Variants in CLINT1 observed in about 807,000 individuals in gnomAD.
CLINT1 encodes clathrin interactor 1, also known as clathrin interacting protein localized in the trans-Golgi region.
Under a neutral mutation model 70.4 loss-of-function variants are expected in CLINT1, and 15 were observed. That is an observed-to-expected ratio of 0.21 (90% confidence interval 0.14 to 0.33). CLINT1 has a LOEUF of 0.33. Ranked by LOEUF, CLINT1 falls within the 10% of genes least tolerant of loss-of-function variation. The pLI is 1.00. For missense variants in CLINT1, 615 were observed against 778.1 expected (o/e 0.79, Z 2.49); for synonymous variants, 227 against 254.7 (o/e 0.89, Z 1.04).
chr5:157,836,138 C>A (rs547946371), intron 1 of CLINT1, among the ~76,000 whole-genome samples: 4 of 152,322 alleles, frequency 2.6e-5, no homozygotes, highest in Admixed American at 1.3e-4. Flanking sequence ...TCATACTTCA[C>A]ACTCTCTTCC....
chr5:157,843,710 T>A (rs1337182400), intron 1 of CLINT1, among the ~76,000 whole-genome samples: 1 of 152,208 alleles, frequency 6.6e-6, no homozygotes, highest in African/African-American at 2.4e-5. Context: ...ATTAAGGCAA[T>A]TTTATGAAAT....
chr5:157,789,808 T>A (rs1477505669), intron 10 of CLINT1: 6 of 487,546 alleles, frequency 1.2e-5, no homozygotes, highest in Non-Finnish European at 2.2e-5. Context: ...TCACTCAAAG[T>A]CTAGAAGCCA....
intron 1 of CLINT1, among the ~76,000 whole-genome samples, chr5:157,844,529 C>G (rs1356486481): frequency 1.3e-5 from 2 of 152,062 alleles, no homozygotes; most frequent in Non-Finnish European, 2.9e-5. Context: ...ACAAGGTCAG[C>G]CAAGATTAGT....
At chr5:157,850,502 T>C (rs995161181) in intron 1 of CLINT1, among the ~76,000 whole-genome samples, 2 of 150,544 alleles carry the variant, frequency 1.3e-5, no homozygotes, top group African/African-American at 4.9e-5. Context: ...TCCCTCTTAC[T>C]TGGGGGACTA....
At chr5:157,800,948 A>G (rs1313705267) in intron 8 of CLINT1, among the ~76,000 whole-genome samples, 2 of 152,230 alleles carry the variant, frequency 1.3e-5, no homozygotes, top group Non-Finnish European at 2.9e-5. Flanking sequence ...CAGATGCATG[A>G]AAGGGGCCCT....
At chr5:157,838,896 C>G (rs1332363255) in intron 1 of CLINT1, among the ~76,000 whole-genome samples, 1 of 152,130 alleles carries the variant, frequency 6.6e-6, no homozygotes, top group Non-Finnish European at 1.5e-5. Context: ...GAAAATAGAA[C>G]AGAAATATAG....
At chr5:157,790,612 T>G (rs771035731) in intron 10 of CLINT1, 7 of 455,458 alleles carry the variant, frequency 1.5e-5, no homozygotes, top group African/African-American at 4.0e-5. Flanking sequence ...TTCTGCTTCT[T>G]TCTTCTTTTC....
intron 1 of CLINT1, among the ~76,000 whole-genome samples, chr5:157,842,403 G>A (rs1038978408): frequency 2.6e-5 from 4 of 152,134 alleles, no homozygotes; most frequent in Non-Finnish European, 4.4e-5. Context: ...GCAGTAAGCC[G>A]AGATCCGCCA....
intron 8 of CLINT1, 153 bp from the exon 9 acceptor site, chr5:157,795,125 T>A: frequency 1.6e-6 from 1 of 638,020 alleles, no homozygotes. Flanking sequence ...TAGATTTTCA[T>A]GTCACTATGT....
At chr5:157,844,428 G>A (rs111913552) in intron 1 of CLINT1, among the ~76,000 whole-genome samples, 9 of 152,200 alleles carry the variant, frequency 5.9e-5, no homozygotes, top group Non-Finnish European at 1.3e-4. Flanking sequence ...ACCGTAAGCT[G>A]CCTACTGGAA....
intron 9 of CLINT1, 77 bp downstream of exon 9, chr5:157,794,821 G>C: frequency 9.8e-7 from 1 of 1,021,340 alleles, no homozygotes; most frequent in Non-Finnish European, 1.5e-6. Flanking sequence ...GAAAGAAGCT[G>C]ACTTGGGGGG....
chr5:157,789,270 T>A, intron 11 of CLINT1, 93 bp downstream of exon 11: 1 of 1,068,146 alleles, frequency 9.4e-7, no homozygotes. Context: ...ACAATTTATG[T>A]GATATATTTT....
At chr5:157,834,032 T>A (rs1344652816) in intron 1 of CLINT1, among the ~76,000 whole-genome samples, 1 of 152,190 alleles carries the variant, frequency 6.6e-6, no homozygotes, top group Non-Finnish European at 1.5e-5. Flanking sequence ...CACAAAATAA[T>A]CTTGCTCTCT....
chr5:157,839,720 A>AATCTACCTATCTATCT (rs1554102222), intron 1 of CLINT1, among the ~76,000 whole-genome samples: 46 of 148,408 alleles, frequency 3.1e-4, no homozygotes, highest in Non-Finnish European at 2.4e-4. Context: ...TTACAACAAA[A>AATCTACCTATCTATCT]ATCTATCTAT....
chr5:157,805,838 A>G, intron 7 of CLINT1, 28 bp downstream of exon 7: 1 of 1,613,358 alleles, frequency 6.2e-7, no homozygotes, highest in South Asian at 1.1e-5. Context: ...AAAACCATGT[A>G]TAATGTGTAA....
chr5:157,824,439 G>A (rs1762970750), intron 1 of CLINT1, among the ~76,000 whole-genome samples: 1 of 152,168 alleles, frequency 6.6e-6, no homozygotes, highest in Admixed American at 6.5e-5. Context: ...TAGAAATGAT[G>A]TGGGGAGGTG....
intron 6 of CLINT1, among the ~76,000 whole-genome samples, chr5:157,807,873 A>G (rs1284721455): frequency 2.0e-5 from 3 of 152,158 alleles, no homozygotes; most frequent in South Asian, 2.1e-4. Flanking sequence ...GTTATTGTTT[A>G]TAAGTAAAAC....
intron 1 of CLINT1, among the ~76,000 whole-genome samples, chr5:157,828,263 G>A (rs1763100818): frequency 6.6e-6 from 1 of 152,166 alleles, no homozygotes; most frequent in African/African-American, 2.4e-5. Context: ...TCTAGCAGCA[G>A]TAAGACTGCT....
At chr5:157,841,561 A>T (rs926011099) in intron 1 of CLINT1, among the ~76,000 whole-genome samples, 11 of 152,104 alleles carry the variant, frequency 7.2e-5, no homozygotes, top group African/African-American at 2.7e-4. Flanking sequence ...GTGAGACTCA[A>T]TCTCAAAAAA....
Sources: allele counts gnomAD v4.1 joint callset (sites outside exome capture counted in the v4.1 genomes callset), GRCh38; gene constraint gnomAD v4.1.1; transcripts MANE v1.5; gene names NCBI Gene and HGNC (gene_info 2026-07-23, HGNC 2026-07-21).